MDN1: variants seen among roughly 807,000 people sequenced by gnomAD.
The protein encoded by MDN1 is midasin AAA ATPase 1.
Under a neutral mutation model 669.2 loss-of-function variants are expected in MDN1, and 266 were observed. The ratio of observed to expected loss-of-function variants is 0.40; its 90% CI spans 0.36 to 0.44. MDN1 has a LOEUF of 0.44. Ranked by LOEUF, MDN1 falls within the 20% of genes least tolerant of loss-of-function variation. The probability of loss-of-function intolerance (pLI) is 1.00; values close to 1 mark genes in which losing one functional copy is unlikely to be tolerated. For missense variants in MDN1, 5,940 were observed against 6,754.0 expected, an observed-to-expected ratio of 0.88 and a Z score of 4.22; for synonymous variants, 2,385 against 2,457.1, an observed-to-expected ratio of 0.97 and a Z score of 0.87.
intron 15 of MDN1, among the ~76,000 whole-genome samples, chr6:89,767,533 G>A (rs755879517): frequency 2.6e-5 from 4 of 152,148 alleles, no homozygotes; most frequent in Admixed American, 1.3e-4. Flanking sequence ...TGAGGCAGGT[G>A]GATCACCTGA....
At position 89,712,768 on chromosome 6, in the gene MDN1, C is replaced by A. The variant is rs753235579; in HGVS notation, c.7237G>T (p.Glu2413Ter). Residue 2413 changes from glutamate to a stop codon, truncating the protein, a stop_gained, in exon 48 of 102, where the codon GAG becomes TAG. Transcript: ENST00000369393. LOFTEE classifies it high-confidence loss of function. ...GCTCGCAAAGAAGAAACATGTTTCT[C>A]CAGTAAAGCCTGTACAAGCTGGTAG... ...ANRKLVQALL[E>*]KHVSSLRAHE... The A allele has an allele frequency of 6.2e-7, 1 of 1,614,054 alleles. No individual in the cohort carries two copies. The highest frequency in any genetic ancestry group is 2.2e-5 in the East Asian group (1 of 44,868).
intron 1 of MDN1, among the ~76,000 whole-genome samples, chr6:89,810,589 T>G (rs976582062): frequency 2.0e-5 from 3 of 152,250 alleles, no homozygotes; most frequent in African/African-American, 7.2e-5. Flanking sequence ...TCCTAGCTTC[T>G]GGTTGTCATC....
At chr6:89,656,664 G>A (rs1311153029) in intron 91 of MDN1, 36 bp downstream of exon 91, 1 of 1,371,636 alleles carries the variant, frequency 7.3e-7, no homozygotes, top group Non-Finnish European at 1.0e-6. Flanking sequence ...TCTACATGCT[G>A]CCTTCACCTA....
chr6:89,714,948 T>C (rs1051303903), intron 45 of MDN1, among the ~76,000 whole-genome samples, 197 bp from the exon 46 acceptor site: 1 of 152,198 alleles, frequency 6.6e-6, no homozygotes, highest in Admixed American at 6.5e-5. Context: ...GAACTGTGTA[T>C]GATATATCCA....
At chr6:89,691,962 C>G (rs554509014) in intron 63 of MDN1, among the ~76,000 whole-genome samples, 7 of 152,278 alleles carry the variant, frequency 4.6e-5, no homozygotes, top group South Asian at 2.1e-4. Flanking sequence ...CACAGACATA[C>G]AGCTACAGAT....
rs373977694 is a variant in MDN1, at chr6:89,655,936, A to G, written c.15318T>C (p.Asn5106=). ...SFKRKPGQAD[N]ERSMGDHNER... ...CATTGTGATCACCCATGGAACGTTC[A>G]TTGTCAGCCTGCCCAGGTTTCCTCT... The change falls in exon 92 of 102, where the codon AAT becomes AAC. Residue 5106 remains asparagine (N), a synonymous_variant. Coordinates refer to ENST00000369393, the MANE Select transcript of MDN1 (RefSeq NM_014611.3). 3 of 1,614,036 alleles carry G rather than the reference A, an allele frequency of 1.9e-6. No individual in the cohort carries two copies. Among genetic ancestry groups the G allele is most frequent in the Non-Finnish European group, 2.5e-6 (3 of 1,180,024 alleles).
chr6:89,723,649 G>A (rs368889569), intron 38 of MDN1, 30 bp from the exon 39 acceptor site: 4 of 1,325,816 alleles, frequency 3.0e-6, no homozygotes, highest in Admixed American at 4.6e-5. Context: ...ATGAAGAAAT[G>A]CCTTTGTTTC....
Position 89,718,634 on chromosome 6 carries a change from T to A in MDN1, c.6322-7A>T. ...AAGGTCGTATAAGATCAACCTGTAA[T>A]TTCCAGAGGACATGAACTCATCATA... On this transcript the variant is annotated splice_polypyrimidine_tract_variant and splice_region_variant and intron_variant, in intron 42 of 101. Transcript: ENST00000369393. The A allele has an allele frequency of 6.2e-7, 1 of 1,612,860 alleles. No homozygotes were observed. Among genetic ancestry groups the A allele is most frequent in the African/African-American group, 1.3e-5 (1 of 75,000 alleles).
chr6:89,787,974 C>T lies in MDN1; in HGVS notation c.1231-17G>A, dbSNP rs77370256. On this transcript the variant is annotated splice_polypyrimidine_tract_variant and intron_variant, in intron 7 of 101. Coordinates refer to ENST00000369393, the MANE Select transcript of MDN1 (RefSeq NM_014611.3). ...CACAGAAACCTAAATCAGATAACAA[C>T]AACCGCACTGATAAAGTAAAGCTAT... The T allele has an allele frequency of 8.6e-5, 135 of 1,570,810 alleles. No individual in the cohort carries two copies. In the East Asian group the frequency reaches 2.8e-3, roughly 32 times the overall value.
At chr6:89,776,998 C>T (rs1379208423) in intron 11 of MDN1, among the ~76,000 whole-genome samples, 1 of 152,128 alleles carries the variant, frequency 6.6e-6, no homozygotes, top group African/African-American at 2.4e-5. Flanking sequence ...TTAGTGTTGA[C>T]CACTGGGTAC....
At chr6:89,762,627 T>C (rs953479159) in intron 15 of MDN1, 97 bp from the exon 16 acceptor site, 1 of 819,462 alleles carries the variant, frequency 1.2e-6, no homozygotes, top group Non-Finnish European at 1.9e-6. Flanking sequence ...TCAGATTTCA[T>C]TTAATTAACG....
chr6:89,769,890 T>G (rs752491942), intron 15 of MDN1, among the ~76,000 whole-genome samples: 24 of 152,156 alleles, frequency 1.6e-4, no homozygotes, highest in Non-Finnish European at 2.8e-4. Context: ...GCCATTTATG[T>G]TAGGACTACT....
Position 89,713,247 on chromosome 6 carries a change from A to G in MDN1, c.7119T>C (p.Ile2373=), listed in dbSNP as rs763475111. 1 of 1,614,018 alleles carries G rather than the reference A, an allele frequency of 6.2e-7. No individual in the cohort carries two copies. The highest frequency in any genetic ancestry group is 1.7e-5 in the Admixed American group (1 of 60,002). Residue 2373 remains isoleucine (I), a synonymous_variant, in exon 47 of 102, where the codon ATT becomes ATC. Transcript: ENST00000369393. ...VSTLIQTAIL[I]VQYLQRGLSL... is the part of the protein sequence containing the mutation. ...TCAGCCCTCGCTGCAGGTACTGGACAATTAGTATGGCTGTCTGGATTAGAG... is the reference window on the plus strand; with the variant it reads ...TCAGCCCTCGCTGCAGGTACTGGACGATTAGTATGGCTGTCTGGATTAGAG...
chr6:89,813,788 G>C (rs1768615466), intron 1 of MDN1, among the ~76,000 whole-genome samples: 2 of 151,962 alleles, frequency 1.3e-5, no homozygotes. Flanking sequence ...GAAAGTTAAA[G>C]CTATGTTCTG....
At chr6:89,735,582 T>C (rs898084885) in intron 33 of MDN1, among the ~76,000 whole-genome samples, 1 of 152,100 alleles carries the variant, frequency 6.6e-6, no homozygotes, top group African/African-American at 2.4e-5. Flanking sequence ...ATATGGATAA[T>C]ATTACTACAG....
intron 2 of MDN1, 55 bp from the exon 3 acceptor site, chr6:89,794,856 T>G: frequency 2.0e-6 from 3 of 1,473,566 alleles, no homozygotes; most frequent in Non-Finnish European, 2.8e-6. Flanking sequence ...GGACTTAATT[T>G]TTCTGCTTTG....
chr6:89,776,333 T>C (rs989182714), intron 12 of MDN1, among the ~76,000 whole-genome samples: 20 of 152,094 alleles, frequency 1.3e-4, no homozygotes, highest in African/African-American at 4.8e-4. Flanking sequence ...TGGTGGCACA[T>C]GCCTGTAATC....
At chr6:89,763,671 A>T (rs1180298505) in intron 15 of MDN1, among the ~76,000 whole-genome samples, 1 of 152,228 alleles carries the variant, frequency 6.6e-6, no homozygotes, top group Non-Finnish European at 1.5e-5. Context: ...ATTTAAGTTG[A>T]GAACTTAAAA....
chr6:89,740,505 T>C (rs1458855105), intron 31 of MDN1, 127 bp from the exon 32 acceptor site: 6 of 891,978 alleles, frequency 6.7e-6, no homozygotes, highest in African/African-American at 1.8e-5. Flanking sequence ...TAGTTAATGG[T>C]TTCCTATCAC....
Sources: gnomAD v4.1 joint callset for allele counts (sites outside exome capture counted in the v4.1 genomes callset) on GRCh38, gnomAD v4.1.1 for gene constraint, MANE v1.5 for transcripts, NCBI Gene and HGNC (gene_info 2026-07-23, HGNC 2026-07-21) for gene names.